Variants in SLC44A5 observed in about 807,000 individuals in gnomAD.
The protein encoded by SLC44A5 is choline transporter-like protein 5.
Under a neutral mutation model 101.8 loss-of-function variants are expected in SLC44A5, and 57 were observed. The observed-to-expected ratio is 0.56, with a 90% CI of 0.45 to 0.70. The LOEUF is 0.70. Ranked by LOEUF, SLC44A5 falls within the 30% of genes least tolerant of loss-of-function variation. The probability of loss-of-function intolerance (pLI) is 0.00; values close to 1 mark genes in which losing one functional copy is unlikely to be tolerated. For synonymous variants in SLC44A5, 281 were observed against 290.9 expected, an observed-to-expected ratio of 0.97 and a Z score of 0.35; for missense variants, 737 against 853.1, an observed-to-expected ratio of 0.86 and a Z score of 1.70.
intron 4 of SLC44A5, chr1:75,311,510 T>G (rs1480577468): frequency 2.1e-6 from 2 of 974,406 alleles, no homozygotes; most frequent in Non-Finnish European, 2.4e-6. Flanking sequence ...AACAAAGCAC[T>G]ACAATTCAAC....
intron 13 of SLC44A5, among the ~76,000 whole-genome samples, chr1:75,226,591 G>A (rs1470415041): frequency 2.6e-5 from 4 of 152,036 alleles, no homozygotes; most frequent in African/African-American, 4.8e-5. Context: ...TCAAATTGAT[G>A]GGAATGGGAC....
chr1:75,258,459 C>T (rs901644584), intron 6 of SLC44A5, among the ~76,000 whole-genome samples: 1 of 152,022 alleles, frequency 6.6e-6, no homozygotes, highest in Non-Finnish European at 1.5e-5. Context: ...GCCACTGCTG[C>T]CAGACTGCCT....
chr1:75,523,691 A>G lies in SLC44A5; in HGVS notation c.13+17744T>C, dbSNP rs1480383869. Among the ~76,000 whole-genome samples, 7 of 152,338 alleles carry G rather than the reference A, an allele frequency of 4.6e-5. No individual in the cohort carries two copies. The East Asian group carries it at 1.4e-3, about 29-fold the overall frequency. ...GCTAGATGTGAAGGATGTTGCTGCT[A>G]TTATTCCTGCACATTTTCCTAAACC... On this transcript the variant is annotated intron_variant, in intron 2 of 23. Coordinates refer to ENST00000370859, the MANE Select transcript of SLC44A5 (RefSeq NM_001130058.2).
chr1:75,274,100 C>T (rs900722544), intron 6 of SLC44A5, among the ~76,000 whole-genome samples: 1 of 151,856 alleles, frequency 6.6e-6, no homozygotes, highest in Non-Finnish European at 1.5e-5. Context: ...AAGTGGGCAG[C>T]ATAGACAACA....
intron 4 of SLC44A5, among the ~76,000 whole-genome samples, chr1:75,309,490 T>TA: frequency 6.6e-6 from 1 of 152,218 alleles, no homozygotes; most frequent in African/African-American, 2.4e-5. Context: ...TTCTCTATTA[T>TA]AAGCATATTT....
the SLC44A5 span, among the ~76,000 whole-genome samples, chr1:75,690,992 GA>G: frequency 4.1e-5 from 6 of 147,570 alleles, no homozygotes; most frequent in South Asian, 4.3e-4. Context: ...GAAAATAAAG[GA>G]AAAAAAAAAG....
At chr1:75,473,694 C>A (rs969591627) in intron 2 of SLC44A5, among the ~76,000 whole-genome samples, 1 of 152,192 alleles carries the variant, frequency 6.6e-6, no homozygotes, top group Admixed American at 6.5e-5. Context: ...GCACTATAAT[C>A]AGCATCTTAT....
intron 5 of SLC44A5, among the ~76,000 whole-genome samples, chr1:75,282,534 G>C (rs559839047): frequency 1.4e-4 from 21 of 152,080 alleles, no homozygotes; most frequent in African/African-American, 5.1e-4. Context: ...GCCAGGGGTG[G>C]AATAATATGG....
chr1:75,680,571 A>C, the SLC44A5 span, among the ~76,000 whole-genome samples: 1 of 151,522 alleles, frequency 6.6e-6, no homozygotes, highest in Non-Finnish European at 1.5e-5. Context: ...AACGAAAACA[A>C]AGACACAACA....
chr1:75,286,479 T>C (rs1222640197), intron 5 of SLC44A5, among the ~76,000 whole-genome samples: 2 of 152,202 alleles, frequency 1.3e-5, no homozygotes, highest in East Asian at 3.8e-4. Context: ...TCAATGTTAG[T>C]ATTGAAAAGT....
the SLC44A5 span, among the ~76,000 whole-genome samples, chr1:75,703,661 TAA>T: frequency 0.079 from 11,550 of 146,340 alleles, 1,476 homozygotes; most frequent in African/African-American, 0.27. Flanking sequence ...TAAAGTATAA[TAA>T]AAAAAAAAAA....
chr1:75,636,930 A>G, the SLC44A5 span, among the ~76,000 whole-genome samples: 7 of 152,160 alleles, frequency 4.6e-5, no homozygotes, highest in Admixed American at 3.3e-4. Flanking sequence ...GGCTTATTTG[A>G]GCAGTAGAGA....
intron 14 of SLC44A5, 114 bp downstream of exon 14, chr1:75,222,247 C>T (rs974332227): frequency 5.2e-5 from 40 of 769,630 alleles, no homozygotes; most frequent in Non-Finnish European, 6.3e-5. Flanking sequence ...TGAACCACCG[C>T]GCCCAGCAAA....
chr1:75,400,684 G>T (rs1557745565), intron 2 of SLC44A5, among the ~76,000 whole-genome samples: 1 of 152,102 alleles, frequency 6.6e-6, no homozygotes, highest in Non-Finnish European at 1.5e-5. Flanking sequence ...CTTTGCCCAG[G>T]GCTCCATTCC....
chr1:75,719,151 G>A, the SLC44A5 span, among the ~76,000 whole-genome samples: 2 of 152,164 alleles, frequency 1.3e-5, no homozygotes, highest in African/African-American at 4.8e-5. Flanking sequence ...CCCGTGGTAA[G>A]TAATGAATGT....
At chr1:75,680,563 C>A in the SLC44A5 span, among the ~76,000 whole-genome samples, 86 of 151,092 alleles carry the variant, frequency 5.7e-4, 1 homozygote, top group South Asian at 6.3e-4. Flanking sequence ...TTGAAACCAA[C>A]GAAAACAAAG....
rs1272266411 is a variant in SLC44A5, at chr1:75,380,833, G to A, written c.52+15750C>T. Among the ~76,000 whole-genome samples the A allele has an allele frequency of 2.4e-5, 2 of 82,024 alleles. 1 individual carries two copies. Among genetic ancestry groups the A allele is most frequent in the Non-Finnish European group, 4.2e-5 (2 of 47,674 alleles). The allele number at this position is 82,024 out of a possible 152,430, so 53.8% of individuals were successfully genotyped here. On this transcript the variant is annotated intron_variant, in intron 3 of 23. Coordinates refer to ENST00000370859, the MANE Select transcript of SLC44A5 (RefSeq NM_001130058.2). Reference sequence around the variant, plus strand: ...AGTATATGTTAATGATAGTGAATGGGTACCTGGCCCCACAGATGATCGCTG... The same window carrying A: ...AGTATATGTTAATGATAGTGAATGGATACCTGGCCCCACAGATGATCGCTG...
At chr1:75,697,614 G>T in the SLC44A5 span, among the ~76,000 whole-genome samples, 1 of 152,160 alleles carries the variant, frequency 6.6e-6, no homozygotes, top group Admixed American at 6.5e-5. Context: ...CGGCGAAACT[G>T]TCTCTACAAA....
the SLC44A5 span, among the ~76,000 whole-genome samples, chr1:75,653,214 C>T: frequency 1.1e-4 from 17 of 152,022 alleles, no homozygotes; most frequent in African/African-American, 3.9e-4. Flanking sequence ...AAAAACAGGC[C>T]GGGCGCACTG....
Sources: allele counts gnomAD v4.1 joint callset (sites outside exome capture counted in the v4.1 genomes callset), GRCh38; gene constraint gnomAD v4.1.1; transcripts MANE v1.5; gene names NCBI Gene and HGNC (gene_info 2026-07-23, HGNC 2026-07-21).